SFI1: variants seen among roughly 807,000 people sequenced by gnomAD.
The protein encoded by SFI1 is protein SFI1 homolog.
A neutral mutation model predicts 207.5 loss-of-function variants in SFI1; 195 were observed. The ratio of observed to expected loss-of-function variants is 0.94; its 90% CI spans 0.84 to 1.06. The LOEUF (loss-of-function observed/expected upper bound fraction) is 1.06, where lower values mean the gene tolerates loss of function less well. Among genes scored for constraint, SFI1 ranks in the 50% least tolerant of loss-of-function variants. The pLI, the probability that SFI1 is intolerant of heterozygous loss-of-function variation, is 0.00. For missense variants in SFI1, 1,634 were observed against 1,588.0 expected (o/e 1.03, Z -0.49); for synonymous variants, 630 against 598.9 (o/e 1.05, Z -0.76).
At chr22:31,527,550 C>T (rs1041780627) in intron 2 of SFI1, among the ~76,000 whole-genome samples, 1 of 152,156 alleles carries the variant, frequency 6.6e-6, no homozygotes, top group African/African-American at 2.4e-5. Context: ...GCCTAGGCAA[C>T]ATAGCAAGAC....
At chr22:31,511,474 T>TG (rs200085351) in intron 2 of SFI1, among the ~76,000 whole-genome samples, 6,141 of 146,844 alleles carry the variant, frequency 0.042, 128 homozygotes, top group Non-Finnish European at 0.048. Context: ...GTTTTTTTTT[T>TG]TTTTTTTTTT....
rs555913970 is a variant in SFI1 at position 31,604,931 on chromosome 22, C to T, written c.2040C>T (p.Asn680=). The T allele has an allele frequency of 1.2e-6, 2 of 1,610,108 alleles. No individual in the cohort carries two copies. Among genetic ancestry groups the T allele is most frequent in the East Asian group, 4.5e-5 (2 of 44,486 alleles). ...TGGCAGCCAGGGAGAGCCAGCACAA[C>T]AGGCAGCTGCTGCGGTGAGTCTCCC... The part of the protein sequence containing the change: ...REVAARESQH[N]RQLLRGALRR... The change falls in exon 20 of 33, where the codon AAC becomes AAT. Residue 680 remains asparagine, a synonymous_variant. Transcript: ENST00000400288.
chr22:31,521,853 T>A (rs1401309302), intron 2 of SFI1, among the ~76,000 whole-genome samples: 1 of 151,934 alleles, frequency 6.6e-6, no homozygotes, highest in Non-Finnish European at 1.5e-5. Flanking sequence ...AACCTCCACC[T>A]CCTAGGTTCA....
intron 3 of SFI1, 170 bp from the exon 4 acceptor site, chr22:31,530,888 T>C (rs1447300943): frequency 1.7e-6 from 1 of 589,722 alleles, no homozygotes; most frequent in Non-Finnish European, 3.0e-6. Context: ...TTTATAAATC[T>C]GCCCCATCCT....
intron 15 of SFI1, among the ~76,000 whole-genome samples, chr22:31,593,868 G>A (rs879344506): frequency 5.9e-4 from 87 of 148,538 alleles, no homozygotes; most frequent in Admixed American, 1.1e-3. Context: ...GCCTGCAATC[G>A]CAGGCATTCG....
Position 31,559,688 on chromosome 22 carries a change from A to G in SFI1, c.663-1602A>G, listed in dbSNP as rs150076990. Reference sequence around the variant, plus strand: ...GGATGAGATGGAACGTGTGATGACCATTATGCAGAATCCATGCCAGTACAA... The same window carrying G: ...GGATGAGATGGAACGTGTGATGACCGTTATGCAGAATCCATGCCAGTACAA... On this transcript the variant is annotated intron_variant, in intron 7 of 32. Coordinates refer to ENST00000400288, the MANE Select transcript of SFI1 (RefSeq NM_001007467.3). 1.0e-4 allele frequency: 82 copies of G among 794,810 alleles called. No individual in the cohort carries two copies. The African/African-American group carries it at 1.3e-3, about 12-fold the overall frequency. 49.2% of individuals were successfully genotyped at this position (794,810 alleles called of 1,614,324 possible).
rs1423144760 is a variant in SFI1, at chr22:31,557,052, A to G, written c.655A>G (p.Ile219Val). 6 of 1,598,398 alleles carry G rather than the reference A, an allele frequency of 3.8e-6. No individual in the cohort carries two copies. In the South Asian group the frequency reaches 5.6e-5, roughly 15 times the overall value. Residue 219 changes from isoleucine to valine, a missense_variant, in exon 7 of 33, where the codon ATC (isoleucine) becomes GTC (valine). By Grantham distance (29) the Ile-to-Val change is conservative. Transcript: ENST00000400288. ...AGCTCTGGAGTTTAGGCAACGGATT[A>G]TCTTACGGTGAGTCTGCTCAACTGC... is the stretch of plus-strand genomic sequence containing the variant. ...TTALEFRQRI[I>V]LRVWWSTWRQ...
intron 5 of SFI1, 89 bp from the exon 6 acceptor site, chr22:31,550,165 C>A (rs2147992060): frequency 1.1e-6 from 1 of 907,776 alleles, no homozygotes; most frequent in Non-Finnish European, 1.7e-6. Flanking sequence ...CTTGCCTTGG[C>A]CTCCCAAAGT....
chr22:31,604,624 T>C, intron 19 of SFI1: 1 of 588,618 alleles, frequency 1.7e-6, no homozygotes, highest in Non-Finnish European at 3.0e-6. Context: ...ACTAGCCTTG[T>C]AGCGAAAGCA....
chr22:31,600,185 G>A (rs1172914858), intron 15 of SFI1, among the ~76,000 whole-genome samples: 1 of 152,192 alleles, frequency 6.6e-6, no homozygotes, highest in Non-Finnish European at 1.5e-5. Flanking sequence ...ACCAGGCCCA[G>A]CCTACAACGT....
At chr22:31,509,167 GT>G (rs1399221677) in intron 2 of SFI1, among the ~76,000 whole-genome samples, 2 of 152,122 alleles carry the variant, frequency 1.3e-5, no homozygotes, top group Non-Finnish European at 2.9e-5. Flanking sequence ...GCATATAGTT[GT>G]GTTAGTCAGG....
At chr22:31,497,148 AG>A (rs1232086724) in intron 1 of SFI1, 3 of 152,212 alleles carry the variant, frequency 2.0e-5, no homozygotes, top group African/African-American at 7.2e-5. Flanking sequence ...GAGGCTGTTC[AG>A]GTTTCTTAAC....
chr22:31,541,873 T>G lies in SFI1; in HGVS notation c.339-4988T>G, dbSNP rs961173471. Among the ~76,000 whole-genome samples the G allele has an allele frequency of 2.7e-5, 4 of 148,322 alleles. No individual in the cohort carries two copies. In the South Asian group the frequency reaches 6.5e-4, roughly 24 times the overall value. On this transcript the variant is annotated intron_variant, in intron 4 of 32. Coordinates refer to ENST00000400288, the MANE Select transcript of SFI1 (RefSeq NM_001007467.3). ...ATCCCAGCACTTTGGGAGGCCGAGGTGGGCGGATCACGAGGTCAGGAGATC... is the reference window on the plus strand; with the variant it reads ...ATCCCAGCACTTTGGGAGGCCGAGGGGGGCGGATCACGAGGTCAGGAGATC...
intron 3 of SFI1, 92 bp downstream of exon 3, chr22:31,528,955 G>T (rs1352618217): frequency 1.9e-5 from 24 of 1,258,858 alleles, no homozygotes; most frequent in South Asian, 5.7e-5. Context: ...TTCTTCCACC[G>T]CAATTAGTGG....
At chr22:31,611,745 T>C (rs201218067) in intron 23 of SFI1, 21 bp from the exon 24 acceptor site, 105 of 1,610,442 alleles carry the variant, frequency 6.5e-5, no homozygotes, top group Non-Finnish European at 8.6e-5. Context: ...CGCCACTCTC[T>C]GTGCACTTGC....
intron 6 of SFI1, chr22:31,550,665 A>G (rs1316363135): frequency 1.8e-5 from 5 of 271,252 alleles, no homozygotes; most frequent in South Asian, 5.2e-5. Context: ...GCTGCCATCT[A>G]TCTTGCTGCG....
intron 2 of SFI1, among the ~76,000 whole-genome samples, chr22:31,512,741 T>G (rs539341212): frequency 6.6e-6 from 1 of 151,432 alleles, no homozygotes; most frequent in South Asian, 2.1e-4. Flanking sequence ...GGCTGGAGTT[T>G]AGTGGCGCAA....
rs149899528 is a variant in SFI1, at chr22:31,604,357, C to A, written c.1930C>A (p.Leu644Met). ...AERQKLMRAD[L>M]HHQHSVLHRA... ...GCGGCAGAAGCTGATGCGAGCAGAC[C>A]TGCACCACCAGCACAGCGTGCTGCA... The change falls in exon 19 of 33, where the codon CTG becomes ATG. Residue 644 changes from leucine (L) to methionine (M), a missense_variant. Transcript: ENST00000400288. 1 of 1,579,008 alleles carries A rather than the reference C, an allele frequency of 6.3e-7. No homozygotes were observed. Among genetic ancestry groups the A allele is most frequent in the South Asian group, 1.2e-5 (1 of 86,468 alleles).
In SFI1 at chr22:31,616,822, A is replaced by G. The variant is rs1280946787; in HGVS notation, c.3378A>G (p.Leu1126=). The G allele has an allele frequency of 2.5e-6, 4 of 1,610,708 alleles. No homozygotes were observed. The highest frequency in any genetic ancestry group is 3.4e-6 in the Non-Finnish European group (4 of 1,178,874). ...SSLASVPDPH[L]LLPGDFSATR... is the part of the protein sequence containing the mutation. The stretch of plus-strand genomic sequence containing the variant: ...TGGCCAGTGTCCCTGACCCCCATCT[A>G]CTCCTTCCTGGGGACTTCTCAGCCA... Residue 1126 remains leucine (L), a synonymous_variant, in exon 30 of 33, where the codon CTA becomes CTG. Transcript: ENST00000400288.
Sources: allele counts gnomAD v4.1 joint callset (sites outside exome capture counted in the v4.1 genomes callset), GRCh38; gene constraint gnomAD v4.1.1; transcripts MANE v1.5; gene names NCBI Gene and HGNC (gene_info 2026-07-23, HGNC 2026-07-21).